OSBPL10: variants seen among roughly 807,000 people sequenced by gnomAD.
OSBPL10 encodes oxysterol-binding protein-related protein 10.
OSBPL10 carries 49 observed loss-of-function variants against 81.7 expected under a neutral mutation model. The observed-to-expected ratio is 0.60, with a 90% CI of 0.48 to 0.76. The LOEUF (loss-of-function observed/expected upper bound fraction) is 0.76. OSBPL10 is among the 30% of genes least tolerant of loss of function. The probability of loss-of-function intolerance (pLI) is 0.00; values close to 1 mark genes in which losing one functional copy is unlikely to be tolerated. For synonymous variants in OSBPL10, 419 were observed against 383.6 expected (o/e 1.09, Z -1.08); for missense variants, 923 against 987.8 (o/e 0.93, Z 0.88).
intron 2 of OSBPL10, among the ~76,000 whole-genome samples, chr3:31,877,980 G>A (rs1418033725): frequency 6.6e-6 from 1 of 152,172 alleles, no homozygotes; most frequent in Non-Finnish European, 1.5e-5. Context: ...CCTACTATGT[G>A]CAGGTAAGAT....
intron 6 of OSBPL10, among the ~76,000 whole-genome samples, chr3:31,719,095 A>C (rs1696551525): frequency 3.9e-5 from 6 of 152,216 alleles, no homozygotes; most frequent in Admixed American, 3.9e-4. Context: ...CTGCTGGCTC[A>C]TTCCAGTGGG....
intron 7 of OSBPL10, among the ~76,000 whole-genome samples, chr3:31,699,511 G>A (rs908518368): frequency 1.3e-5 from 2 of 152,252 alleles, no homozygotes; most frequent in Admixed American, 6.5e-5. Context: ...AGGAAAGAGG[G>A]CAGACAAGGG....
chr3:31,675,507 T>C (rs1700445090), intron 8 of OSBPL10, among the ~76,000 whole-genome samples: 1 of 152,134 alleles, frequency 6.6e-6, no homozygotes, highest in Non-Finnish European at 1.5e-5. Context: ...CCCATGGCTG[T>C]CGTAAAGATG....
intron 1 of OSBPL10, among the ~76,000 whole-genome samples, chr3:32,071,505 G>A (rs944740831): frequency 1.8e-4 from 27 of 152,268 alleles, no homozygotes; most frequent in East Asian, 3.9e-4. Context: ...CTGTGCAGTC[G>A]GAATTCTTAC....
intron 3 of OSBPL10, among the ~76,000 whole-genome samples, chr3:31,831,427 A>G (rs1179472215): frequency 6.6e-6 from 1 of 152,034 alleles, no homozygotes; most frequent in African/African-American, 2.4e-5. Context: ...AAAGAAAAGA[A>G]AAAAGAAAAG....
chr3:31,742,855 C>T (rs1191847385), intron 5 of OSBPL10, among the ~76,000 whole-genome samples: 1 of 152,028 alleles, frequency 6.6e-6, no homozygotes, highest in Non-Finnish European at 1.5e-5. Flanking sequence ...GAGCGTGGTT[C>T]TGCCTGCCTC....
upstream of OSBPL10, among the ~76,000 whole-genome samples, chr3:31,983,401 A>G (rs77989523): frequency 0.012 from 1,868 of 152,338 alleles, 42 homozygotes; most frequent in East Asian, 0.04. Context: ...TATGCAGCCA[A>G]CCTAAGACTG....
At chr3:31,910,118 AC>A (rs1215639645) in intron 1 of OSBPL10, among the ~76,000 whole-genome samples, 6 of 151,424 alleles carry the variant, frequency 4.0e-5, no homozygotes, top group Non-Finnish European at 7.4e-5. Context: ...AGTATCTGGG[AC>A]TGCAGGAACA....
intron 8 of OSBPL10, among the ~76,000 whole-genome samples, chr3:31,682,876 C>A (rs9819538): frequency 0.28 from 42,778 of 151,944 alleles, 6,633 homozygotes; most frequent in Middle Eastern, 0.34. Context: ...ATGAAAGGTG[C>A]TCTTATCTCA....
At chr3:31,732,521 A>G (rs1389952618) in intron 6 of OSBPL10, 3 of 152,264 alleles carry the variant, frequency 2.0e-5, no homozygotes, top group Non-Finnish European at 4.4e-5. Flanking sequence ...TCAAGAGACT[A>G]TATCAAGACT....
chr3:32,071,774 A>C, intron 1 of OSBPL10, among the ~76,000 whole-genome samples: 1 of 152,192 alleles, frequency 6.6e-6, no homozygotes, highest in South Asian at 2.1e-4. Flanking sequence ...TGTCTCCCAC[A>C]GTTACCATTG....
chr3:31,928,762 CAAAAA>C (rs58345341), intron 1 of OSBPL10, among the ~76,000 whole-genome samples: 44 of 95,088 alleles, frequency 4.6e-4, no homozygotes, highest in Non-Finnish European at 5.3e-4. Flanking sequence ...GACTTGTCTC[CAAAAA>C]AAAAAAAAAA....
At chr3:31,971,498 A>C (rs1698567673) in intron 1 of OSBPL10, among the ~76,000 whole-genome samples, 1 of 152,128 alleles carries the variant, frequency 6.6e-6, no homozygotes, top group African/African-American at 2.4e-5. Flanking sequence ...ACAGCTTCTC[A>C]GTTGATCCCC....
intron 1 of OSBPL10, among the ~76,000 whole-genome samples, chr3:31,905,306 T>C (rs1027612058): frequency 6.7e-6 from 1 of 150,180 alleles, no homozygotes; most frequent in African/African-American, 2.5e-5. Flanking sequence ...AAAGAGCACA[T>C]GGCATTCCAC....
rs150805021 is a variant in OSBPL10, at chr3:31,805,235, A to G, written c.729+24805T>C. 7.3e-4 allele frequency among the ~76,000 whole-genome samples: 111 copies of G among 152,258 alleles called. 1 individual carries two copies. Among genetic ancestry groups the G allele is most frequent in the African/African-American group, 2.5e-3 (105 of 41,554 alleles). On this transcript the variant is annotated intron_variant, in intron 4 of 11. Coordinates refer to ENST00000396556, the MANE Select transcript of OSBPL10 (RefSeq NM_017784.5). ...AACAAAATTCACAACCTGTCAACAC[A>G]TTACATATGTTAACCCTTTCTGAGA...
At chr3:31,992,039 G>C (rs575364865) in intron 2 of OSBPL10, among the ~76,000 whole-genome samples, 99 of 151,906 alleles carry the variant, frequency 6.5e-4, no homozygotes, top group African/African-American at 2.3e-3. Flanking sequence ...CCAGCTACTG[G>C]GGAGGCTGAG....
chr3:32,045,083 A>C (rs923317809), intron 2 of OSBPL10, among the ~76,000 whole-genome samples: 1 of 152,208 alleles, frequency 6.6e-6, no homozygotes, highest in Non-Finnish European at 1.5e-5. Context: ...TGTTGTTGGA[A>C]GTTTTCAAAA....
intron 1 of OSBPL10, among the ~76,000 whole-genome samples, chr3:31,932,568 G>A (rs58687414): frequency 0.031 from 4,725 of 152,114 alleles, 253 homozygotes; most frequent in African/African-American, 0.11. Context: ...TTTACATTGC[G>A]TATAATAAAA....
intron 1 of OSBPL10, among the ~76,000 whole-genome samples, chr3:31,902,264 T>TTG (rs1278265395): frequency 2.0e-5 from 3 of 148,308 alleles, no homozygotes; most frequent in Non-Finnish European, 3.0e-5. Flanking sequence ...CAGTATTTTT[T>TTG]TTTTTTTTTT....
Sources: allele counts gnomAD v4.1 joint callset (sites outside exome capture counted in the v4.1 genomes callset), GRCh38; gene constraint gnomAD v4.1.1; transcripts MANE v1.5; gene names NCBI Gene and HGNC (gene_info 2026-07-23, HGNC 2026-07-21).